The following ZNF536 variants were observed in gnomAD, a reference collection of about 807,000 sequenced individuals.
ZNF536 encodes zinc finger protein 536.
In ZNF536, 13 loss-of-function variants were observed where a neutral mutation model predicts 84.5. The ratio of observed to expected loss-of-function variants is 0.15; its 90% CI spans 0.10 to 0.24. The LOEUF is 0.24. ZNF536 is among the 10% of genes least tolerant of loss of function. The probability of loss-of-function intolerance (pLI) is 1.00; values close to 1 mark genes in which losing one functional copy is unlikely to be tolerated. For missense variants in ZNF536, 1,536 were observed against 1,747.5 expected (o/e 0.88, Z 2.16); for synonymous variants, 811 against 742.5 (o/e 1.09, Z -1.50).
chr19:30,698,323 C>T (rs923933745), intron 1 of ZNF536, among the ~76,000 whole-genome samples: 1 of 151,854 alleles, frequency 6.6e-6, no homozygotes, highest in Non-Finnish European at 1.5e-5. Flanking sequence ...ATAGATAATA[C>T]AGAGAACTCT....
At position 30,259,013 on chromosome 19, in the gene ZNF536, C is replaced by T. The variant is rs372083354; in HGVS notation, c.-189-25059C>T. ...GATTACAGGCATGAGCCACTGTGAC[C>T]GGCCAAAATTTTTTATTTTTTTATT... On this transcript the variant is annotated intron_variant, in intron 1 of 5. Coordinates refer to the ZNF536 transcript ENST00000585628. Among the ~76,000 whole-genome samples, 90 of 152,174 alleles carry T rather than the reference C, an allele frequency of 5.9e-4. 1 individual carries two copies. The highest frequency in any genetic ancestry group is 2.9e-3 in the East Asian group (15 of 5,172).
At chr19:30,468,214 T>G (rs1200587477) in intron 2 of ZNF536, among the ~76,000 whole-genome samples, 1 of 152,194 alleles carries the variant, frequency 6.6e-6, no homozygotes, top group Non-Finnish European at 1.5e-5. Flanking sequence ...ACAGAATCTC[T>G]GTCTCACTCC....
intron 1 of ZNF536, among the ~76,000 whole-genome samples, chr19:30,598,970 TCCTTCCCTCCCTCC>T (rs1485512486): frequency 3.9e-5 from 2 of 51,272 alleles, no homozygotes; most frequent in Non-Finnish European, 5.3e-5. Flanking sequence ...CCTCCTTCCC[TCCTTCCCTCCCTCC>T]CTTCCTTCCT....
At chr19:30,582,801 G>A (rs186045674) in intron 1 of ZNF536, among the ~76,000 whole-genome samples, 4 of 152,164 alleles carry the variant, frequency 2.6e-5, no homozygotes, top group African/African-American at 9.6e-5. Flanking sequence ...CAGATGTCGT[G>A]GGACTTATTT....
In ZNF536 at chr19:30,648,547, C is replaced by T. The variant is rs143414320; in HGVS notation, c.170-62210C>T. Reference sequence around the variant, plus strand: ...GCCTTCTGCAGGACAGCAACTTCCCCGGATCAAGTGGCAGAAACAGCATCA... The same window carrying T: ...GCCTTCTGCAGGACAGCAACTTCCCTGGATCAAGTGGCAGAAACAGCATCA... On this transcript the variant is annotated intron_variant, in intron 1 of 1. Transcript: ENST00000592773. Among the ~76,000 whole-genome samples, 26 of 152,254 alleles carry T rather than the reference C, an allele frequency of 1.7e-4. No homozygotes were observed. The East Asian group carries it at 1.9e-3, about 11-fold the overall frequency.
chr19:30,590,859 A>T (rs2047254896), intron 1 of ZNF536, among the ~76,000 whole-genome samples: 1 of 152,218 alleles, frequency 6.6e-6, no homozygotes, highest in South Asian at 2.1e-4. Context: ...CAGCTGTTGA[A>T]GGGAAGGCCA....
chr19:30,438,333 T>G (rs1301887948), intron 1 of ZNF536, among the ~76,000 whole-genome samples: 4 of 152,166 alleles, frequency 2.6e-5, no homozygotes, highest in Admixed American at 2.6e-4. Context: ...TAGCTCAACA[T>G]GGATTAAAGA....
At chr19:30,277,357 T>C (rs952744657) in intron 1 of ZNF536, among the ~76,000 whole-genome samples, 2 of 152,182 alleles carry the variant, frequency 1.3e-5, no homozygotes, top group Non-Finnish European at 2.9e-5. Context: ...AGGAAGCCTC[T>C]CCACTCCTCT....
intron 1 of ZNF536, among the ~76,000 whole-genome samples, chr19:30,433,733 G>T (rs963494761): frequency 2.6e-5 from 4 of 152,136 alleles, no homozygotes; most frequent in Non-Finnish European, 5.9e-5. Flanking sequence ...CTGACCTCAG[G>T]TGATCTGCCT....
chr19:30,543,883 A>G (rs141284297), intron 3 of ZNF536, among the ~76,000 whole-genome samples: 101 of 152,238 alleles, frequency 6.6e-4, no homozygotes, highest in Admixed American at 2.2e-3. Context: ...CTGGGGCTCT[A>G]AGGAGGTTCA....
intron 1 of ZNF536, among the ~76,000 whole-genome samples, chr19:30,383,740 TTTC>T (rs1210415480): frequency 0.24 from 2,999 of 12,250 alleles, 375 homozygotes; most frequent in African/African-American, 0.46. Flanking sequence ...TCTTTCTTTC[TTTC>T]TCTTTCTTTC....
At chr19:30,613,636 T>C (rs967831433) in intron 1 of ZNF536, among the ~76,000 whole-genome samples, 4 of 152,156 alleles carry the variant, frequency 2.6e-5, no homozygotes, top group Non-Finnish European at 4.4e-5. Context: ...GTGTTTTTTG[T>C]TTTGTTTTGT....
At chr19:30,551,128 A>T (rs1599774913) in intron 4 of ZNF536, among the ~76,000 whole-genome samples, 1 of 140,846 alleles carries the variant, frequency 7.1e-6, no homozygotes, top group African/African-American at 2.7e-5. Flanking sequence ...TGTTGTTTAG[A>T]GTCTTTTTTT....
chr19:30,548,014 G>A lies in ZNF536; in HGVS notation c.2395G>A (p.Glu799Lys), dbSNP rs1309184035. Residue 799 changes from glutamate (E) to lysine (K), a missense_variant, in exon 4 of 5, where the codon GAG (glutamate) becomes AAG (lysine). By Grantham distance (56) the Glu-to-Lys change is moderately conservative. This residue lies in a region of ZNF536 where 148 missense variants were observed against 205.4 expected (regional missense o/e 0.72). Transcript: ENST00000355537. ...GTCAGCATCCTTAAAATACCACTTA[G>A]AGCGACACCATCGGGAGCGGCAGAA... ...TQSASLKYHL[E>K]RHHRERQNGA... The A allele has an allele frequency of 1.9e-6, 3 of 1,612,834 alleles. No individual in the cohort carries two copies. The highest frequency in any genetic ancestry group is 2.5e-6 in the Non-Finnish European group (3 of 1,179,510).
chr19:30,578,981 T>G (rs1348976978), intron 1 of ZNF536, among the ~76,000 whole-genome samples: 1 of 152,210 alleles, frequency 6.6e-6, no homozygotes. Context: ...GCTTAGCTTT[T>G]CTGGGCTCCA....
chr19:30,686,631 C>T (rs1360440736), intron 1 of ZNF536, among the ~76,000 whole-genome samples: 2 of 152,304 alleles, frequency 1.3e-5, no homozygotes, highest in East Asian at 3.9e-4. Context: ...GATATAATGG[C>T]GGGGAAGGAG....
chr19:30,549,919 C>A (rs1296905307), intron 4 of ZNF536, among the ~76,000 whole-genome samples: 1 of 152,208 alleles, frequency 6.6e-6, no homozygotes, highest in Non-Finnish European at 1.5e-5. Flanking sequence ...AAGACAATTC[C>A]TTACTGCTTT....
chr19:30,479,741 C>A (rs1277893438), intron 2 of ZNF536, among the ~76,000 whole-genome samples: 2 of 152,220 alleles, frequency 1.3e-5, no homozygotes, highest in Admixed American at 6.5e-5. Flanking sequence ...CCTGCCACAT[C>A]CCAGGGTGAG....
chr19:30,516,471 A>G (rs1024187826), intron 2 of ZNF536, among the ~76,000 whole-genome samples: 3 of 152,230 alleles, frequency 2.0e-5, no homozygotes, highest in Non-Finnish European at 4.4e-5. Context: ...ATGAGGCCAG[A>G]AAGTCTAAAG....
Sources: gnomAD v4.1 joint callset for allele counts (sites outside exome capture counted in the v4.1 genomes callset) on GRCh38, gnomAD v4.1.1 for gene constraint, gnomAD v4.1.1 regional missense constraint, MANE v1.5 for transcripts, NCBI Gene and HGNC (gene_info 2026-07-23, HGNC 2026-07-21) for gene names.